DCHS2: variants seen among roughly 807,000 people sequenced by gnomAD.
The protein encoded by DCHS2 is dachsous cadherin-related 2.
In DCHS2, 142 loss-of-function variants were observed where a neutral mutation model predicts 182.4. The ratio of observed to expected loss-of-function variants is 0.78; its 90% CI spans 0.68 to 0.89. The LOEUF is 0.89. Ranked by LOEUF, DCHS2 falls within the 40% of genes least tolerant of loss-of-function variation. DCHS2 has a pLI of 0.00. For synonymous variants in DCHS2, 1,740 were observed against 1,663.3 expected (o/e 1.05, Z -1.12); for missense variants, 4,319 against 4,198.6 (o/e 1.03, Z -0.79).
chr4:154,465,092 A>G (rs1489315733), intron 1 of DCHS2, among the ~76,000 whole-genome samples: 5 of 152,138 alleles, frequency 3.3e-5, no homozygotes, highest in Non-Finnish European at 5.9e-5. Context: ...AACAAGATAT[A>G]TTTATCATCT....
At chr4:154,245,982 T>G (rs894572377) in intron 16 of DCHS2, among the ~76,000 whole-genome samples, 3 of 152,130 alleles carry the variant, frequency 2.0e-5, no homozygotes, top group Non-Finnish European at 2.9e-5. Flanking sequence ...TGTGCATGTG[T>G]TTGGGCAGGG....
chr4:154,371,675 T>C (rs1476649963), intron 2 of DCHS2, among the ~76,000 whole-genome samples: 2 of 152,092 alleles, frequency 1.3e-5, no homozygotes, highest in African/African-American at 4.8e-5. Flanking sequence ...CAGCTTCAGC[T>C]TCTGGGAAGG....
intron 3 of DCHS2, among the ~76,000 whole-genome samples, chr4:154,360,181 A>G (rs1037783401): frequency 3.3e-5 from 5 of 152,104 alleles, no homozygotes; most frequent in Non-Finnish European, 5.9e-5. Flanking sequence ...AGGCAATATT[A>G]CATATGGAAA....
chr4:154,236,118 C>T lies in DCHS2; in HGVS notation c.8534G>A (p.Gly2845Asp). The change falls in exon 20 of 20, where the codon GGC becomes GAC. Residue 2845 changes from glycine (G) to aspartate (D), a missense_variant. Coordinates refer to ENST00000357232, the MANE Select transcript of DCHS2 (RefSeq NM_001358235.2). ...TTGGACTGTGAGGCAGTATTTATTG[C>T]CATTTTCATAGTCAAGGATTTGCTT... ...HAKQILDYEN[G>D]NKYCLTVQAK... is the part of the protein sequence containing the mutation. 6.2e-7 allele frequency: 1 copy of T among 1,613,586 alleles called. No individual in the cohort carries two copies. Among genetic ancestry groups the T allele is most frequent in the Non-Finnish European group, 8.5e-7 (1 of 1,179,930 alleles).
Position 154,235,914 on chromosome 4 carries a change from C to T in DCHS2, c.8738G>A (p.Gly2913Glu), listed in dbSNP as rs1476528248. ...EASDADAGID[G>E]VILYSLGTSS... ...GGTTCCAAGGGAGTAAAGAATGACT[C>T]CATCAATACCAGCATCTGCATCTGA... Residue 2913 changes from glycine to glutamate, a missense_variant, in exon 20 of 20, where the codon GGA (glycine) becomes GAA (glutamate). Transcript: ENST00000357232. 2.5e-6 allele frequency: 4 copies of T among 1,614,028 alleles called. No individual in the cohort carries two copies. The highest frequency in any genetic ancestry group is 1.7e-6 in the Non-Finnish European group (2 of 1,179,958).
chr4:154,315,629 A>C, intron 10 of DCHS2, 119 bp downstream of exon 10: 1 of 1,435,448 alleles, frequency 7.0e-7, no homozygotes, highest in East Asian at 2.3e-5. Flanking sequence ...AGTATTACAA[A>C]TTTGAGATAA....
chr4:154,410,293 A>G (rs557724406), intron 1 of DCHS2, among the ~76,000 whole-genome samples: 2 of 152,086 alleles, frequency 1.3e-5, no homozygotes. Flanking sequence ...GATTACTTTA[A>G]TGAGAAATTC....
chr4:154,434,369 G>A (rs986815639), intron 1 of DCHS2, among the ~76,000 whole-genome samples: 4 of 152,180 alleles, frequency 2.6e-5, no homozygotes, highest in Non-Finnish European at 4.4e-5. Flanking sequence ...TTGCAGTGAG[G>A]TGTGATTGTG....
rs764210547 is a variant in DCHS2, at chr4:154,334,990, A to G, written c.2591T>C (p.Ile864Thr). The G allele has an allele frequency of 6.2e-7, 1 of 1,614,196 alleles. No individual in the cohort carries two copies. The highest frequency in any genetic ancestry group is 2.2e-5 in the East Asian group (1 of 44,886). Residue 864 changes from isoleucine to threonine, a missense_variant, in exon 4 of 20, where the codon ATA becomes ACA. By Grantham distance (89) the Ile-to-Thr change is moderately conservative. Coordinates refer to ENST00000357232, the MANE Select transcript of DCHS2 (RefSeq NM_001358235.2). ...TGCCAGAGTTGTCTGGAAAATGTGT[A>G]TGGTGACATCGGCATTAATGACAGC... is the stretch of plus-strand genomic sequence containing the variant. Reference protein sequence around the residue: ...LTAVINADVTIHIFQTTLAPA... With the variant: ...LTAVINADVTTHIFQTTLAPA...
At chr4:154,419,952 G>A (rs1390364035) in intron 1 of DCHS2, among the ~76,000 whole-genome samples, 1 of 152,056 alleles carries the variant, frequency 6.6e-6, no homozygotes, top group Non-Finnish European at 1.5e-5. Context: ...GTATATCCTG[G>A]AGTCCTTCAA....
At chr4:154,286,678 G>A (rs968811799) in intron 13 of DCHS2, among the ~76,000 whole-genome samples, 1 of 151,870 alleles carries the variant, frequency 6.6e-6, no homozygotes, top group Non-Finnish European at 1.5e-5. Context: ...AAAGAAAAAA[G>A]GATGAAAAAG....
intron 1 of DCHS2, among the ~76,000 whole-genome samples, chr4:154,475,098 A>G (rs1233202042): frequency 6.6e-6 from 1 of 152,156 alleles, no homozygotes; most frequent in African/African-American, 2.4e-5. Context: ...CCTTATCCTA[A>G]TTGCCACATT....
chr4:154,431,826 C>T (rs1234720082), intron 1 of DCHS2, among the ~76,000 whole-genome samples: 1 of 151,416 alleles, frequency 6.6e-6, no homozygotes, highest in Non-Finnish European at 1.5e-5. Flanking sequence ...CCATCACTTT[C>T]TGCTTTCAGA....
intron 3 of DCHS2, among the ~76,000 whole-genome samples, chr4:154,356,925 C>T (rs2110742170): frequency 6.6e-6 from 1 of 152,208 alleles, no homozygotes; most frequent in South Asian, 2.1e-4. Context: ...TGGAGGAGCA[C>T]AGGCTACAGG....
At chr4:154,256,054 A>G (rs1044727919) in intron 15 of DCHS2, among the ~76,000 whole-genome samples, 1 of 152,196 alleles carries the variant, frequency 6.6e-6, no homozygotes. Flanking sequence ...CCACATAGTG[A>G]TAATTTTTTT....
At chr4:154,406,335 C>A (rs1243567525) in intron 1 of DCHS2, among the ~76,000 whole-genome samples, 1 of 152,238 alleles carries the variant, frequency 6.6e-6, no homozygotes, top group Non-Finnish European at 1.5e-5. Context: ...TCAAACTATG[C>A]CTCATTTTGC....
rs143808744 is a variant in DCHS2, at chr4:154,382,029, A to C, written c.2053-4585T>G. ...TGGAGGCATCACATTATCCAACTTC[A>C]AATTATACTATAGGGCTACAGTAAC... On this transcript the variant is annotated intron_variant, in intron 1 of 19. Coordinates refer to ENST00000357232, the MANE Select transcript of DCHS2 (RefSeq NM_001358235.2). Among the ~76,000 whole-genome samples the C allele has an allele frequency of 3.2e-3, 481 of 152,318 alleles. 3 individuals are homozygous for C. Among genetic ancestry groups the C allele is most frequent in the African/African-American group, 0.011 (456 of 41,588 alleles).
chr4:154,270,926 A>G (rs945918950), intron 13 of DCHS2, among the ~76,000 whole-genome samples: 16 of 152,162 alleles, frequency 1.1e-4, no homozygotes, highest in African/African-American at 3.6e-4. Context: ...ACTGCAAGAC[A>G]TGAATTAATT....
intron 2 of DCHS2, among the ~76,000 whole-genome samples, chr4:154,367,684 T>A (rs1463261437): frequency 6.6e-6 from 1 of 152,226 alleles, no homozygotes; most frequent in Non-Finnish European, 1.5e-5. Flanking sequence ...CACAACAGCC[T>A]GGGTTTTCTC....
Sources: allele counts gnomAD v4.1 joint callset (sites outside exome capture counted in the v4.1 genomes callset), GRCh38; gene constraint gnomAD v4.1.1; transcripts MANE v1.5; gene names NCBI Gene and HGNC (gene_info 2026-07-23, HGNC 2026-07-21).